Variants in RAB3IL1 observed in about 807,000 individuals in gnomAD.
RAB3IL1 encodes guanine nucleotide exchange factor for Rab-3A.
In RAB3IL1, 37 loss-of-function variants were observed where a neutral mutation model predicts 49.2. The ratio of observed to expected loss-of-function variants is 0.75; its 90% CI spans 0.58 to 0.99. The LOEUF is 0.99. Ranked by LOEUF, RAB3IL1 falls within the 50% of genes least tolerant of loss-of-function variation. RAB3IL1 has a pLI of 0.00. For synonymous variants in RAB3IL1, 193 were observed against 213.9 expected, an observed-to-expected ratio of 0.90 and a Z score of 0.85; for missense variants, 484 against 513.0, an observed-to-expected ratio of 0.94 and a Z score of 0.55.
At position 61,904,895 on chromosome 11, in the gene RAB3IL1, G is replaced by A. The variant is rs923483341; in HGVS notation, c.658-13C>T. On this transcript the variant is annotated splice_polypyrimidine_tract_variant and intron_variant, in intron 5 of 9. Coordinates refer to ENST00000394836, the MANE Select transcript of RAB3IL1 (RefSeq NM_013401.4). Reference sequence around the variant, plus strand: ...GGATTGTGTCCACCTGTGGGGGAGGGCAAGCGAGGGTGGGGGCGGTCAGGG... The same window carrying A: ...GGATTGTGTCCACCTGTGGGGGAGGACAAGCGAGGGTGGGGGCGGTCAGGG... 3.2e-6 allele frequency: 5 copies of A among 1,572,432 alleles called. No individual in the cohort carries two copies. The highest frequency in any genetic ancestry group is 1.2e-5 in the South Asian group (1 of 84,000).
chr11:61,921,401 T>A (rs1044209759), upstream of RAB3IL1, among the ~76,000 whole-genome samples: 2 of 152,202 alleles, frequency 1.3e-5, no homozygotes, highest in Non-Finnish European at 2.9e-5. Flanking sequence ...CCAGGCCAGT[T>A]GCCATTGCCC....
intron 8 of RAB3IL1, among the ~76,000 whole-genome samples, chr11:61,901,165 C>A (rs1591216298): frequency 6.6e-6 from 1 of 152,172 alleles, no homozygotes; most frequent in East Asian, 1.9e-4. Context: ...TAGACCTGCT[C>A]CCCTGCGAGG....
chr11:61,915,420 G>A (rs562441952), intron 1 of RAB3IL1, among the ~76,000 whole-genome samples: 1 of 152,198 alleles, frequency 6.6e-6, no homozygotes, highest in South Asian at 2.1e-4. Context: ...GTGCCTCCAG[G>A]GAAGGACATT....
upstream of RAB3IL1, among the ~76,000 whole-genome samples, chr11:61,922,753 G>T (rs1438771152): frequency 6.6e-6 from 1 of 152,118 alleles, no homozygotes. Flanking sequence ...TGGGCTTTGG[G>T]CTGCGAAGCT....
chr11:61,912,803 C>T (rs1435401768), intron 1 of RAB3IL1, among the ~76,000 whole-genome samples: 1 of 151,880 alleles, frequency 6.6e-6, no homozygotes, highest in Non-Finnish European at 1.5e-5. Flanking sequence ...GGAGGTGCCA[C>T]CCAAGAATGC....
intron 1 of RAB3IL1, among the ~76,000 whole-genome samples, chr11:61,913,717 T>C (rs1939561369): frequency 6.6e-6 from 1 of 152,144 alleles, no homozygotes; most frequent in Non-Finnish European, 1.5e-5. Flanking sequence ...CAATAGCTAG[T>C]GTGTATACTG....
intron 7 of RAB3IL1, among the ~76,000 whole-genome samples, chr11:61,904,345 G>A (rs1939065258): frequency 6.6e-6 from 1 of 152,162 alleles, no homozygotes; most frequent in African/African-American, 2.4e-5. Context: ...GTCAGGAAGA[G>A]GCAGACCCTA....
Position 61,917,505 on chromosome 11 carries a change from G to A in RAB3IL1, c.-138C>T. 3 of 1,130,582 alleles carry A rather than the reference G, an allele frequency of 2.7e-6. No individual in the cohort carries two copies. Among genetic ancestry groups the A allele is most frequent in the Non-Finnish European group, 3.2e-6 (3 of 924,364 alleles). The allele number at this position is 1,130,582 out of a possible 1,614,324, so 70.0% of individuals were successfully genotyped here. ...CAGCCCTGCCCGCGGCCGGTCAGTA[G>A]GTCTCAGACGCCTGGGCTCGCGGCC... is the stretch of plus-strand genomic sequence containing the variant. On this transcript the variant is annotated 5_prime_UTR_variant, in exon 1 of 10. Transcript: ENST00000394836.
intron 8 of RAB3IL1, among the ~76,000 whole-genome samples, chr11:61,900,756 T>G (rs1938869454): frequency 6.6e-6 from 1 of 152,168 alleles, no homozygotes; most frequent in Admixed American, 6.5e-5. Context: ...CAGACCCTCC[T>G]CACCTCATCT....
At chr11:61,921,718 A>G (rs1215587738), upstream of RAB3IL1, among the ~76,000 whole-genome samples, 1 of 151,840 alleles carries the variant, frequency 6.6e-6, no homozygotes, top group South Asian at 2.1e-4. Flanking sequence ...GACTCCATCC[A>G]CCTGTGGGAT....
At chr11:61,928,870 A>G in the RAB3IL1 span, among the ~76,000 whole-genome samples, 3 of 152,232 alleles carry the variant, frequency 2.0e-5, no homozygotes, top group Non-Finnish European at 2.9e-5. Context: ...ATGAGTAAGA[A>G]TCAACAGAAA....
Position 61,908,121 on chromosome 11 carries a change from C to A in RAB3IL1, c.197G>T (p.Ser66Ile). The A allele has an allele frequency of 6.2e-7, 1 of 1,607,506 alleles. No individual in the cohort carries two copies. ...AAQLDVLRLR[S>I]SSMEIREKGS... ...CTTCTCTCGGATCTCCATGGAAGAG[C>A]TGCGCAGGCGCAACACGTCCAGCTG... The change falls in exon 2 of 10, where the codon AGC becomes ATC. Residue 66 changes from serine (S) to isoleucine (I), a missense_variant. By Grantham distance (142) the Ser-to-Ile change is moderately radical. Transcript: ENST00000394836.
rs530856264 is a variant in RAB3IL1 at position 61,904,638 on chromosome 11, G to A, written c.807C>T (p.Ala269=). The A allele has an allele frequency of 1.6e-5, 26 of 1,611,960 alleles. No individual in the cohort carries two copies. The highest frequency in any genetic ancestry group is 2.0e-5 in the Non-Finnish European group (24 of 1,179,230). The change falls in exon 7 of 10, where the codon GCC becomes GCT. Residue 269 remains alanine, a synonymous_variant. Transcript: ENST00000394836. ...TGGTGAGCGTGTTGTCCTCCACGGC[G>A]GCCCGTACCAGCACCGAGAGCTGTG... ...TMQELSVLVR[A]AVEDNTLTIE...
At chr11:61,907,369 T>G (rs1939244904) in intron 4 of RAB3IL1, 24 bp downstream of exon 4, 1 of 1,611,254 alleles carries the variant, frequency 6.2e-7, no homozygotes, top group Admixed American at 1.7e-5. Flanking sequence ...TGGGCTGGCC[T>G]GGGCAGGCGG....
the RAB3IL1 span, among the ~76,000 whole-genome samples, chr11:61,944,295 G>A: frequency 1.4e-5 from 1 of 72,600 alleles, no homozygotes. Context: ...ACAGGGTCTT[G>A]CTCTGTCACC....
Position 61,906,830 on chromosome 11 carries a change from C to G in RAB3IL1, c.439-146G>C, listed in dbSNP as rs1050045266. The stretch of plus-strand genomic sequence containing the variant: ...GACGCCCTCAGAACAGCCTTCGAGG[C>G]AGAGACCCAGACACTCGTTTTACAC... On this transcript the variant is annotated intron_variant, in intron 4 of 9. Coordinates refer to ENST00000394836, the MANE Select transcript of RAB3IL1 (RefSeq NM_013401.4). This position sits in a 1 kb window ranked among gnomAD's most constrained non-coding sequence, Gnocchi z 4.6. 1.8e-5 allele frequency: 14 copies of G among 776,824 alleles called. No homozygotes were observed. The highest frequency in any genetic ancestry group is 2.6e-5 in the Non-Finnish European group (12 of 459,286). 48.1% of individuals were successfully genotyped at this position (776,824 alleles called of 1,614,324 possible).
At position 61,904,423 on chromosome 11, in the gene RAB3IL1, G is replaced by C. The variant is rs2136030427; in HGVS notation, c.899+123C>G. The C allele has an allele frequency of 3.0e-6, 3 of 987,518 alleles. No individual in the cohort carries two copies. In the East Asian group the frequency reaches 7.9e-5, roughly 26 times the overall value. 61.2% of individuals were successfully genotyped at this position (987,518 alleles called of 1,614,324 possible). A position where few individuals can be genotyped will look rare whatever the true frequency, so the allele number is the denominator to read the frequency against. On this transcript the variant is annotated intron_variant, in intron 7 of 9. Transcript: ENST00000394836. ...TGCCAAACTGCCTCCTTGCCCTGTG[G>C]GGGCAGCAACTGTCCCTGTCCTGTC... is the stretch of plus-strand genomic sequence containing the variant.
At chr11:61,943,765 A>G in the RAB3IL1 span, among the ~76,000 whole-genome samples, 1 of 152,186 alleles carries the variant, frequency 6.6e-6, no homozygotes, top group South Asian at 2.1e-4. Flanking sequence ...CCACAATGAG[A>G]TACTACTGCA....
In RAB3IL1 at chr11:61,906,535, G is replaced by A; in HGVS notation, c.588C>T (p.Ser196=). Residue 196 remains serine (S), a synonymous_variant, in exon 5 of 10, where the codon AGC becomes AGT. Coordinates refer to ENST00000394836, the MANE Select transcript of RAB3IL1 (RefSeq NM_013401.4). This position sits in a 1 kb window ranked among gnomAD's most constrained non-coding sequence, Gnocchi z 4.6. ...GACACACGGCGGGGCAGAGGGTGCT[G>A]CTGGTGCTCTTGTGGCGAGAGTGGC... The part of the protein sequence containing the change: ...RKGHSRHKST[S]STLCPAVCPA... The A allele has an allele frequency of 2.6e-6, 4 of 1,568,334 alleles. No homozygotes were observed. The highest frequency in any genetic ancestry group is 3.5e-6 in the Non-Finnish European group (4 of 1,157,564).
Sources: allele counts gnomAD v4.1 joint callset (sites outside exome capture counted in the v4.1 genomes callset), GRCh38; gene constraint gnomAD v4.1.1; non-coding constraint Gnocchi (gnomAD v3.1); transcripts MANE v1.5; gene names NCBI Gene and HGNC (gene_info 2026-07-23, HGNC 2026-07-21).